H2BC5: variants seen among roughly 807,000 people sequenced by gnomAD.
The protein encoded by H2BC5 is H2B clustered histone 5, also known as histone H2B type 1-D.
A neutral mutation model predicts 5.7 loss-of-function variants in H2BC5; 9 were observed. The observed-to-expected ratio is 1.57, with a 90% CI of 0.95 to 2.74. H2BC5 has a LOEUF of 2.74. Ranked by LOEUF, H2BC5 falls within the 30% of genes most tolerant of loss-of-function variation. H2BC5 has a pLI of 0.00. For missense variants in H2BC5, 175 were observed against 168.8 expected (o/e 1.04, Z -0.20); for synonymous variants, 133 against 70.9 (o/e 1.88, Z -4.40).
At chr6:26,160,587 G>A, downstream of H2BC5, among the ~76,000 whole-genome samples, 1 of 151,398 alleles carries the variant, frequency 6.6e-6, no homozygotes, top group East Asian at 1.9e-4. Flanking sequence ...ACAGACTTGA[G>A]GCCAGGCACG....
intron 1 of H2BC5, among the ~76,000 whole-genome samples, chr6:26,170,747 G>A (rs1297672356): frequency 6.6e-6 from 1 of 152,142 alleles, no homozygotes; most frequent in Non-Finnish European, 1.5e-5. Context: ...CACCCAAGAA[G>A]GGTAATTGGA....
downstream of H2BC5, among the ~76,000 whole-genome samples, chr6:26,159,793 T>G (rs1272150663): frequency 6.6e-6 from 1 of 152,200 alleles, no homozygotes; most frequent in Admixed American, 6.5e-5. Flanking sequence ...TTCCATAACA[T>G]GGCAAGCGTG....
At chr6:26,162,793 G>A (rs1445227404), downstream of H2BC5, among the ~76,000 whole-genome samples, 2 of 152,060 alleles carry the variant, frequency 1.3e-5, no homozygotes, top group African/African-American at 4.8e-5. Flanking sequence ...CCCACCATGG[G>A]GTCCCAAAGT....
At chr6:26,166,692 CTTTT>C (rs139697089) in intron 1 of H2BC5, among the ~76,000 whole-genome samples, 69 of 90,152 alleles carry the variant, frequency 7.7e-4, no homozygotes, top group East Asian at 5.9e-3. Flanking sequence ...ATACTTTTGG[CTTTT>C]TTTTTTTTTT....
intron 1 of H2BC5, among the ~76,000 whole-genome samples, chr6:26,165,481 G>T (rs1764407807): frequency 1.3e-5 from 2 of 151,994 alleles, no homozygotes; most frequent in Admixed American, 1.3e-4. Context: ...CTCATGTCAG[G>T]CCCCGTCCTG....
intron 1 of H2BC5, among the ~76,000 whole-genome samples, chr6:26,170,080 CTG>C (rs1482780565): frequency 1.3e-5 from 2 of 152,114 alleles, no homozygotes; most frequent in African/African-American, 4.8e-5. Flanking sequence ...CAAATAATAA[CTG>C]AGATATTTCT....
At chr6:26,165,738 C>G (rs990415905) in intron 1 of H2BC5, among the ~76,000 whole-genome samples, 3 of 152,172 alleles carry the variant, frequency 2.0e-5, no homozygotes, top group African/African-American at 7.2e-5. Context: ...CCATTCTCCT[C>G]CTAGGGCCTG....
intron 1 of H2BC5, among the ~76,000 whole-genome samples, chr6:26,165,684 G>C (rs1364502916): frequency 6.6e-6 from 1 of 152,138 alleles, no homozygotes; most frequent in East Asian, 1.9e-4. Context: ...AGATCTCTGA[G>C]ACGTCAAGGA....
chr6:26,164,688 G>C (rs1764395011), intron 1 of H2BC5, among the ~76,000 whole-genome samples: 1 of 151,710 alleles, frequency 6.6e-6, no homozygotes, highest in Admixed American at 6.6e-5. Context: ...CTGCAACCCT[G>C]GTCCCCACAC....
chr6:26,164,142 A>G, intron 1 of H2BC5: 1 of 447,622 alleles, frequency 2.2e-6, no homozygotes, highest in Non-Finnish European at 4.5e-6. Flanking sequence ...CCCGTGGGTG[A>G]GGAGGCCAAC....
At chr6:26,169,667 C>A (rs1044406691) in intron 1 of H2BC5, among the ~76,000 whole-genome samples, 1 of 151,908 alleles carries the variant, frequency 6.6e-6, no homozygotes, top group Admixed American at 6.6e-5. Flanking sequence ...ATGGAAGAAG[C>A]AAACTCCTAC....
At position 26,158,398 on chromosome 6, in the gene H2BC5, G is replaced by A. The variant is rs772836222; in HGVS notation, c.229G>A (p.Glu77Lys). The change falls in exon 1 of 1, where the codon GAG becomes AAG. Residue 77 changes from glutamate (E) to lysine (K), a missense_variant. By Grantham distance (56) the Glu-to-Lys change is moderately conservative. This residue lies in a region of H2BC5 where 4 missense variants were observed against 16.9 expected (regional missense o/e 0.24). Transcript: ENST00000377777. Reference sequence around the variant, plus strand: ...CGACATCTTCGAGCGCATCGCAGGCGAGGCTTCCCGCCTGGCGCATTACAA... The same window carrying A: ...CGACATCTTCGAGCGCATCGCAGGCAAGGCTTCCCGCCTGGCGCATTACAA... ...VNDIFERIAGEASRLAHYNKR... is the reference protein window; with the variant it reads ...VNDIFERIAGKASRLAHYNKR... 6.2e-7 allele frequency: 1 copy of A among 1,614,240 alleles called. No homozygotes were observed. The highest frequency in any genetic ancestry group is 8.5e-7 in the Non-Finnish European group (1 of 1,180,038).
intron 1 of H2BC5, among the ~76,000 whole-genome samples, chr6:26,166,614 C>T (rs1356124985): frequency 6.6e-6 from 1 of 151,894 alleles, no homozygotes; most frequent in African/African-American, 2.4e-5. Flanking sequence ...AAAGAGGAAG[C>T]CCCTTTGGGG....
At position 26,158,196 on chromosome 6, in the gene H2BC5, T is replaced by C. The variant is rs1581431569; in HGVS notation, c.27T>C (p.Pro9=). ...TGCCTGAACCTACCAAGTCTGCTCC[T>C]GCCCCAAAGAAGGGCTCCAAGAAGG... The part of the protein sequence containing the change: MPEPTKSA[P]APKKGSKKAV... Residue 9 remains proline (P), a synonymous_variant, in exon 1 of 1, where the codon CCT becomes CCC. Coordinates refer to ENST00000377777, the MANE Select transcript of H2BC5 (RefSeq NM_021063.4). 2 of 1,614,210 alleles carry C rather than the reference T, an allele frequency of 1.2e-6. No individual in the cohort carries two copies. The highest frequency in any genetic ancestry group is 8.5e-7 in the Non-Finnish European group (1 of 1,180,018).
intron 1 of H2BC5, among the ~76,000 whole-genome samples, chr6:26,167,049 C>CTTTTTT (rs149341201): frequency 1.4e-3 from 133 of 97,022 alleles, no homozygotes; most frequent in Middle Eastern, 9.1e-3. Context: ...TTTGTTTTCT[C>CTTTTTT]TTTTTTTTTT....
At chr6:26,167,786 T>C (rs1004359899) in intron 1 of H2BC5, among the ~76,000 whole-genome samples, 2 of 152,158 alleles carry the variant, frequency 1.3e-5, no homozygotes, top group African/African-American at 4.8e-5. Context: ...TATTTCTCAT[T>C]GGAGACAAAA....
downstream of H2BC5, among the ~76,000 whole-genome samples, chr6:26,159,257 T>G (rs1392126527): frequency 6.3e-4 from 90 of 141,926 alleles, no homozygotes; most frequent in Non-Finnish European, 9.1e-4. Context: ...TTTTTTTTTT[T>G]TTTTTTTTTT....
exon 2 of H2BC5, chr6:26,171,345 G>GT (rs1274014276): frequency 5.3e-5 from 8 of 152,220 alleles, no homozygotes; most frequent in African/African-American, 1.9e-4. Context: ...GCGGAGAATT[G>GT]TAAATTCTGC....
chr6:26,171,152 G>C (rs1195079693), exon 2 of H2BC5: 1 of 152,144 alleles, frequency 6.6e-6, no homozygotes, highest in African/African-American at 2.4e-5. Flanking sequence ...CGAGGGGAAG[G>C]AACTAAAGGT....
Sources: gnomAD v4.1 joint callset for allele counts (sites outside exome capture counted in the v4.1 genomes callset) on GRCh38, gnomAD v4.1.1 for gene constraint, gnomAD v4.1.1 regional missense constraint, MANE v1.5 for transcripts, NCBI Gene and HGNC (gene_info 2026-07-23, HGNC 2026-07-21) for gene names.